The following MAP4 variants were observed in gnomAD, a reference collection of about 807,000 sequenced individuals.
MAP4 encodes microtubule-associated protein 4.
A neutral mutation model predicts 170.2 loss-of-function variants in MAP4; 76 were observed. The observed-to-expected ratio is 0.45, with a 90% CI of 0.37 to 0.54. The LOEUF (loss-of-function observed/expected upper bound fraction) is 0.54. Among genes scored for constraint, MAP4 ranks in the 20% least tolerant of loss-of-function variants. The pLI is 0.00. For missense variants in MAP4, 2,506 were observed against 2,748.0 expected, an observed-to-expected ratio of 0.91 and a Z score of 1.97; for synonymous variants, 909 against 994.5, an observed-to-expected ratio of 0.91 and a Z score of 1.62.
At chr3:48,019,713 G>C (rs1348213202), upstream of MAP4, among the ~76,000 whole-genome samples, 4 of 152,062 alleles carry the variant, frequency 2.6e-5, no homozygotes, top group Non-Finnish European at 5.9e-5. Flanking sequence ...AGTTGAGACT[G>C]CGTCTCCACA....
intron 5 of MAP4, among the ~76,000 whole-genome samples, chr3:47,920,349 T>C (rs916140234): frequency 6.6e-6 from 1 of 151,924 alleles, no homozygotes; most frequent in Non-Finnish European, 1.5e-5. Context: ...TCAGGTGATC[T>C]GCCCGCCTCT....
At chr3:47,998,604 G>A (rs781181946) in intron 2 of MAP4, 34 bp downstream of exon 2, 1 of 1,524,252 alleles carries the variant, frequency 6.6e-7, no homozygotes, top group South Asian at 1.1e-5. Flanking sequence ...CCTGCTTTCT[G>A]AACATATATA....
At chr3:47,929,497 T>C (rs762280658) in intron 3 of MAP4, among the ~76,000 whole-genome samples, 8 of 151,854 alleles carry the variant, frequency 5.3e-5, no homozygotes, top group Non-Finnish European at 1.2e-4. Flanking sequence ...CATAATTATA[T>C]TCAACCCAGA....
At chr3:47,939,141 C>T (rs2100054808) in intron 3 of MAP4, among the ~76,000 whole-genome samples, 1 of 152,162 alleles carries the variant, frequency 6.6e-6, no homozygotes, top group Admixed American at 6.6e-5. Flanking sequence ...ATTCCAAAGC[C>T]ACCACTTGGG....
At chr3:48,020,155 G>A (rs1414296917), upstream of MAP4, among the ~76,000 whole-genome samples, 1 of 152,076 alleles carries the variant, frequency 6.6e-6, no homozygotes, top group East Asian at 1.9e-4. Flanking sequence ...CAAAGTGTTG[G>A]GATTACAGGT....
chr3:48,061,815 A>C (rs1365469439), intron 1 of MAP4, among the ~76,000 whole-genome samples: 1 of 146,836 alleles, frequency 6.8e-6, no homozygotes, highest in African/African-American at 2.6e-5. Flanking sequence ...CCACCCGGCC[A>C]GCCGCCCCAT....
At chr3:48,025,582 A>T (rs1380741669) in intron 1 of MAP4, among the ~76,000 whole-genome samples, 1 of 151,838 alleles carries the variant, frequency 6.6e-6, no homozygotes, top group South Asian at 2.1e-4. Context: ...AGCCACCATG[A>T]CATCTTTTTA....
At chr3:48,039,704 T>G (rs1238228882) in intron 1 of MAP4, among the ~76,000 whole-genome samples, 1 of 152,222 alleles carries the variant, frequency 6.6e-6, no homozygotes, top group African/African-American at 2.4e-5. Context: ...CTGATGCAGA[T>G]GATAAAACAA....
chr3:47,859,149 C>G (rs564392272), intron 17 of MAP4, among the ~76,000 whole-genome samples: 4 of 152,108 alleles, frequency 2.6e-5, no homozygotes, highest in African/African-American at 9.6e-5. Context: ...GGTGGTGCAT[C>G]TTTAAGTCTA....
At chr3:48,051,295 CCCAGCT>C (rs1424343405) in intron 1 of MAP4, among the ~76,000 whole-genome samples, 2 of 152,126 alleles carry the variant, frequency 1.3e-5, no homozygotes, top group African/African-American at 4.8e-5. Context: ...CACCTGTAAT[CCCAGCT>C]ACCAGGAGGC....
chr3:48,004,106 C>A (rs2100100882), intron 1 of MAP4, among the ~76,000 whole-genome samples: 1 of 152,044 alleles, frequency 6.6e-6, no homozygotes, highest in African/African-American at 2.4e-5. Flanking sequence ...TAGTTCTGTT[C>A]CTCTAAGAAA....
chr3:47,996,439 G>T (rs993444063), intron 2 of MAP4, among the ~76,000 whole-genome samples: 1 of 152,166 alleles, frequency 6.6e-6, no homozygotes, highest in Admixed American at 6.5e-5. Context: ...CGATAAGAGA[G>T]AAAAGAGCAT....
chr3:47,899,569 TTA>T (rs1355392621), intron 10 of MAP4, among the ~76,000 whole-genome samples: 1 of 152,210 alleles, frequency 6.6e-6, no homozygotes. Flanking sequence ...AATCTTTTAT[TTA>T]TATGACTTTC....
intron 10 of MAP4, among the ~76,000 whole-genome samples, chr3:47,897,886 G>T (rs950309573): frequency 6.8e-6 from 1 of 147,984 alleles, no homozygotes; most frequent in East Asian, 2.0e-4. Context: ...AGGCTGCAGT[G>T]AGCCGAGATC....
chr3:47,939,340 T>C (rs1487053655), intron 3 of MAP4, among the ~76,000 whole-genome samples: 4 of 152,222 alleles, frequency 2.6e-5, no homozygotes. Flanking sequence ...TTATTTTACA[T>C]GTTAGTAAGT....
intron 1 of MAP4, among the ~76,000 whole-genome samples, chr3:48,038,369 T>C (rs1001761156): frequency 6.6e-6 from 1 of 152,000 alleles, no homozygotes; most frequent in African/African-American, 2.4e-5. Flanking sequence ...AAAAAATTTA[T>C]ATTATGATCC....
chr3:47,853,230 G>A lies in MAP4; in HGVS notation c.6819C>T (p.His2273=), dbSNP rs750016496. The change falls in exon 20 of 21, where the codon CAC becomes CAT. Residue 2273 remains histidine, a synonymous_variant. Transcript: ENST00000683076. ...GGTCACCACCCCCTGACAGGGTGGG[G>A]TGGCCATTGAGGCCACTGGCTGAAG... ...APTSASGLNG[H]PTLSGGGDQR... The A allele has an allele frequency of 1.3e-6, 2 of 1,583,044 alleles. No individual in the cohort carries two copies. The highest frequency in any genetic ancestry group is 1.7e-6 in the Non-Finnish European group (2 of 1,163,100).
At chr3:48,087,737 A>G (rs997896328) in intron 1 of MAP4, among the ~76,000 whole-genome samples, 2 of 91,712 alleles carry the variant, frequency 2.2e-5, no homozygotes, top group African/African-American at 4.9e-5. Context: ...GCGCACACAC[A>G]CGCACGCGCA....
chr3:48,027,349 A>G (rs1319646735), intron 1 of MAP4, among the ~76,000 whole-genome samples: 2 of 152,180 alleles, frequency 1.3e-5, no homozygotes, highest in African/African-American at 2.4e-5. Context: ...TACAATTAGG[A>G]CAAACATCTC....
Sources: allele counts gnomAD v4.1 joint callset (sites outside exome capture counted in the v4.1 genomes callset), GRCh38; gene constraint gnomAD v4.1.1; transcripts MANE v1.5; gene names NCBI Gene and HGNC (gene_info 2026-07-23, HGNC 2026-07-21).